Variants in CHCHD3 observed in about 807,000 individuals in gnomAD.
CHCHD3 encodes the protein coiled-coil-helix-coiled-coil-helix domain containing 3.
A neutral mutation model predicts 38.2 loss-of-function variants in CHCHD3; 20 were observed. The observed-to-expected ratio is 0.52, with a 90% CI of 0.37 to 0.76. CHCHD3 has a LOEUF of 0.76. CHCHD3 is among the 30% of genes least tolerant of loss of function. The pLI, the probability that CHCHD3 is intolerant of heterozygous loss-of-function variation, is 0.00. For synonymous variants in CHCHD3, 82 were observed against 100.0 expected (o/e 0.82, Z 1.07); for missense variants, 245 against 279.2 (o/e 0.88, Z 0.87).
At chr7:132,848,413 C>G (rs1808135287) in intron 5 of CHCHD3, among the ~76,000 whole-genome samples, 1 of 152,178 alleles carries the variant, frequency 6.6e-6, no homozygotes, top group Non-Finnish European at 1.5e-5. Flanking sequence ...CAATTTAATG[C>G]TGCATTAATT....
At chr7:132,893,596 T>G (rs748723649) in intron 4 of CHCHD3, among the ~76,000 whole-genome samples, 1 of 152,234 alleles carries the variant, frequency 6.6e-6, no homozygotes, top group Non-Finnish European at 1.5e-5. Flanking sequence ...ATGGTTTGGC[T>G]CTGTGTCCCT....
intron 4 of CHCHD3, among the ~76,000 whole-genome samples, chr7:132,964,771 C>G (rs1013753261): frequency 2.0e-5 from 3 of 152,120 alleles, no homozygotes; most frequent in African/African-American, 7.2e-5. Context: ...ACAAATAGCA[C>G]TTCCTTTGAC....
chr7:132,915,115 G>C (rs1810071203), intron 4 of CHCHD3, among the ~76,000 whole-genome samples: 1 of 151,616 alleles, frequency 6.6e-6, no homozygotes, highest in African/African-American at 2.4e-5. Flanking sequence ...CTCCAGCCTA[G>C]GTGACAGAGC....
At chr7:132,789,921 G>A (rs1401644020) in intron 7 of CHCHD3, among the ~76,000 whole-genome samples, 1 of 152,164 alleles carries the variant, frequency 6.6e-6, no homozygotes, top group African/African-American at 2.4e-5. Context: ...AGTGGGGAGT[G>A]GGAGACACTG....
At chr7:132,885,598 T>C (rs12707059) in intron 5 of CHCHD3, 64 bp downstream of exon 5, 502,734 of 1,262,432 alleles carry the variant, frequency 0.4, 104,048 homozygotes, top group Non-Finnish European at 0.43. Context: ...TTATTAATTT[T>C]TAAATAAATA....
At chr7:132,816,995 G>A (rs1807216531) in intron 6 of CHCHD3, among the ~76,000 whole-genome samples, 1 of 152,098 alleles carries the variant, frequency 6.6e-6, no homozygotes, top group South Asian at 2.1e-4. Context: ...TATGACAAAT[G>A]TGGCTGCCTG....
chr7:133,031,125 T>C lies in CHCHD3; in HGVS notation c.170-6498A>G, dbSNP rs141908009. Among the ~76,000 whole-genome samples, 329 of 152,258 alleles carry C rather than the reference T, an allele frequency of 2.2e-3. 3 individuals are homozygous for C. The highest frequency in any genetic ancestry group is 7.7e-3 in the African/African-American group (322 of 41,560). On this transcript the variant is annotated intron_variant, in intron 2 of 7. Transcript: ENST00000262570. Reference sequence around the variant, plus strand: ...AGTCCAAGATTCCTAAACTTATACTTGATCCTGAGTATTCTTAGGAAATGT... The same window carrying C: ...AGTCCAAGATTCCTAAACTTATACTCGATCCTGAGTATTCTTAGGAAATGT...
At chr7:132,956,422 T>C (rs570155617) in intron 4 of CHCHD3, among the ~76,000 whole-genome samples, 4 of 152,228 alleles carry the variant, frequency 2.6e-5, no homozygotes, top group East Asian at 1.9e-4. Flanking sequence ...GTAAGTCAAA[T>C]ACATACACAA....
intron 4 of CHCHD3, among the ~76,000 whole-genome samples, chr7:132,888,387 A>G (rs1055756104): frequency 6.6e-6 from 1 of 151,894 alleles, no homozygotes; most frequent in African/African-American, 2.4e-5. Context: ...ATATAATTAC[A>G]TGCACTTGTC....
rs986108805 is a variant in CHCHD3, at chr7:133,039,463, T to A, written c.170-14836A>T. Among the ~76,000 whole-genome samples the A allele has an allele frequency of 5.9e-5, 9 of 152,332 alleles. No homozygotes were observed. In the East Asian group the frequency reaches 1.5e-3, roughly 26 times the overall value. ...CCAAGTCTTTTCAATTTTTAATCCATGCTGATAAATCAAGAGTAACTAAAA... is the reference window on the plus strand; with the variant it reads ...CCAAGTCTTTTCAATTTTTAATCCAAGCTGATAAATCAAGAGTAACTAAAA... On this transcript the variant is annotated intron_variant, in intron 2 of 7. Coordinates refer to ENST00000262570, the MANE Select transcript of CHCHD3 (RefSeq NM_017812.4).
chr7:132,985,884 C>G (rs1271359337), intron 3 of CHCHD3, among the ~76,000 whole-genome samples: 3 of 120,810 alleles, frequency 2.5e-5, no homozygotes, highest in Non-Finnish European at 3.7e-5. Flanking sequence ...TGCCCGGCCA[C>G]CACCCCGTCT....
intron 2 of CHCHD3, among the ~76,000 whole-genome samples, chr7:133,057,724 G>A (rs961193397): frequency 2.6e-5 from 4 of 152,092 alleles, no homozygotes; most frequent in African/African-American, 9.7e-5. Context: ...GCCTATGTCA[G>A]TAGAGGTATG....
intron 3 of CHCHD3, among the ~76,000 whole-genome samples, chr7:132,992,544 C>T (rs565426500): frequency 7.9e-5 from 12 of 152,356 alleles, no homozygotes; most frequent in African/African-American, 2.9e-4. Flanking sequence ...CATGCGGCTA[C>T]TGAGCCCAGA....
At chr7:132,870,678 T>C (rs994557980) in intron 5 of CHCHD3, among the ~76,000 whole-genome samples, 7 of 152,166 alleles carry the variant, frequency 4.6e-5, no homozygotes, top group East Asian at 3.8e-4. Context: ...AGGTCTAATA[T>C]ATGAATCCAT....
chr7:132,899,230 G>C (rs13307221), intron 4 of CHCHD3, among the ~76,000 whole-genome samples: 1 of 152,192 alleles, frequency 6.6e-6, no homozygotes, highest in Non-Finnish European at 1.5e-5. Context: ...GTGGAGGAGA[G>C]AAGGAGCAGA....
intron 6 of CHCHD3, among the ~76,000 whole-genome samples, chr7:132,823,941 C>T (rs1807444002): frequency 6.6e-6 from 1 of 152,130 alleles, no homozygotes; most frequent in Non-Finnish European, 1.5e-5. Flanking sequence ...CCTAGGACTT[C>T]CCCAGGCAAC....
At chr7:132,974,026 T>G in intron 4 of CHCHD3, 1 of 1,284,538 alleles carries the variant, frequency 7.8e-7, no homozygotes, top group Non-Finnish European at 1.0e-6. Flanking sequence ...CACTTTTATC[T>G]ATCAAATAAC....
At chr7:132,908,011 T>C (rs373199427) in intron 4 of CHCHD3, among the ~76,000 whole-genome samples, 2 of 151,904 alleles carry the variant, frequency 1.3e-5, no homozygotes, top group South Asian at 2.1e-4. Context: ...AATCTCCAAA[T>C]AGAATCACCA....
intron 2 of CHCHD3, among the ~76,000 whole-genome samples, chr7:133,033,020 T>C (rs906037848): frequency 6.6e-6 from 1 of 152,136 alleles, no homozygotes; most frequent in Non-Finnish European, 1.5e-5. Context: ...GTAATCAATA[T>C]AATGCCCTAA....
Sources: gnomAD v4.1 joint callset for allele counts (sites outside exome capture counted in the v4.1 genomes callset) on GRCh38, gnomAD v4.1.1 for gene constraint, MANE v1.5 for transcripts, NCBI Gene and HGNC (gene_info 2026-07-23, HGNC 2026-07-21) for gene names.